ANAPC7: variants seen among roughly 807,000 people sequenced by gnomAD.
The protein encoded by ANAPC7 is anaphase promoting complex subunit 7, also known as anaphase-promoting complex subunit 7.
Under a neutral mutation model 63.3 loss-of-function variants are expected in ANAPC7, and 25 were observed. The ratio of observed to expected loss-of-function variants is 0.39; its 90% CI spans 0.29 to 0.55. The LOEUF is 0.55. ANAPC7 is among the 20% of genes least tolerant of loss of function. ANAPC7 has a pLI of 0.57. For missense variants in ANAPC7, 516 were observed against 691.7 expected, an observed-to-expected ratio of 0.75 and a Z score of 2.85; for synonymous variants, 241 against 251.7, an observed-to-expected ratio of 0.96 and a Z score of 0.40.
chr12:110,385,813 G>A (rs984323623), intron 6 of ANAPC7, among the ~76,000 whole-genome samples: 2 of 152,150 alleles, frequency 1.3e-5, no homozygotes, highest in Non-Finnish European at 2.9e-5. Flanking sequence ...CTCACTGCCA[G>A]TGTCCTAACT....
chr12:110,382,440 TTAAAAAA>T (rs1437688849), intron 7 of ANAPC7, among the ~76,000 whole-genome samples: 11 of 26,758 alleles, frequency 4.1e-4, no homozygotes, highest in African/African-American at 1.8e-3. Context: ...GATTATCCTT[TTAAAAAA>T]AAAAAAAAAA....
intron 10 of ANAPC7, 58 bp from the exon 11 acceptor site, chr12:110,374,391 A>T (rs1881064651): frequency 6.5e-7 from 1 of 1,543,336 alleles, no homozygotes; most frequent in African/African-American, 1.4e-5. Flanking sequence ...TTGCTGGCTG[A>T]TTCGTCATCT....
chr12:110,396,174 G>C, intron 2 of ANAPC7, 92 bp downstream of exon 2: 1 of 1,157,224 alleles, frequency 8.6e-7, no homozygotes, highest in Non-Finnish European at 1.2e-6. Context: ...GTTCCTAACA[G>C]ACCAGGCACT....
At chr12:110,388,946 G>T (rs1225281940) in intron 3 of ANAPC7, among the ~76,000 whole-genome samples, 1 of 151,944 alleles carries the variant, frequency 6.6e-6, no homozygotes, top group Admixed American at 6.6e-5. Context: ...GCTGGGCGTG[G>T]TGGCGGGAGC....
intron 8 of ANAPC7, among the ~76,000 whole-genome samples, chr12:110,378,383 C>G (rs28537922): frequency 6.6e-6 from 1 of 152,198 alleles, no homozygotes; most frequent in Admixed American, 6.5e-5. Context: ...CGTAAGCCAC[C>G]GTGCCTGGCC....
chr12:110,395,563 T>C (rs529861305), intron 2 of ANAPC7, among the ~76,000 whole-genome samples: 1 of 152,032 alleles, frequency 6.6e-6, no homozygotes. Flanking sequence ...GTGCTTGGAT[T>C]ACAGGTGTGA....
chr12:110,377,932 T>TA, intron 8 of ANAPC7: 3 of 666,480 alleles, frequency 4.5e-6, no homozygotes. Flanking sequence ...AATGCGACAC[T>TA]AATGATTAGT....
chr12:110,402,104 A>G (rs1479103267), intron 1 of ANAPC7, among the ~76,000 whole-genome samples: 1 of 150,768 alleles, frequency 6.6e-6, no homozygotes, highest in African/African-American at 2.4e-5. Flanking sequence ...GAACCCAGGA[A>G]GCGGAGGCTG....
intron 9 of ANAPC7, 44 bp downstream of exon 9, chr12:110,377,349 A>C (rs749922810): frequency 1.9e-6 from 3 of 1,564,632 alleles, no homozygotes; most frequent in Non-Finnish European, 2.6e-6. Context: ...GTCAGGTTTT[A>C]TAAAAATTAA....
intron 7 of ANAPC7, among the ~76,000 whole-genome samples, chr12:110,382,457 AAAAAATATATATATATATATATAT>A (rs1411824776): frequency 3.1e-5 from 2 of 65,268 alleles, no homozygotes; most frequent in African/African-American, 6.9e-5. Flanking sequence ...AAAAAAAAAA[AAAAAATATATATATATATATATAT>A]ATATATATAT....
rs1239787759 is a variant in ANAPC7, at chr12:110,387,385, G to C, written c.674+354C>G. On this transcript the variant is annotated intron_variant, in intron 5 of 10. Transcript: ENST00000455511. ...AGAGAGACAGAGAGAGAGAGAGACAGAGAGAGAGAGAGAGAGAGAGAGAGA... is the reference window on the plus strand; with the variant it reads ...AGAGAGACAGAGAGAGAGAGAGACACAGAGAGAGAGAGAGAGAGAGAGAGA... 2.0e-3 allele frequency: 21 copies of C among 10,678 alleles called. 1 individual carries two copies. The highest frequency in any genetic ancestry group is 2.9e-3 in the Non-Finnish European group (13 of 4,488). The allele number at this position is 10,678 out of a possible 1,614,324, so 0.7% of individuals were successfully genotyped here. A position where few individuals can be genotyped will look rare whatever the true frequency, so the allele number is the denominator to read the frequency against.
rs748016515 is a variant in ANAPC7, at chr12:110,388,634, A to G, written c.409-11T>C. On this transcript the variant is annotated splice_polypyrimidine_tract_variant and intron_variant, in intron 3 of 10. Transcript: ENST00000455511. The stretch of plus-strand genomic sequence containing the variant: ...CAGCATCATGTTTATCTGTACAAAC[A>G]CAAATAACAGATAGCAAAATAAGCG... The G allele has an allele frequency of 6.3e-7, 1 of 1,590,634 alleles. No homozygotes were observed. Among genetic ancestry groups the G allele is most frequent in the Admixed American group, 1.7e-5 (1 of 58,552 alleles).
intron 3 of ANAPC7, among the ~76,000 whole-genome samples, chr12:110,390,211 G>C (rs1033203859): frequency 6.6e-6 from 1 of 151,772 alleles, no homozygotes; most frequent in Admixed American, 6.6e-5. Context: ...TGGGATTACA[G>C]GCACCCGCCA....
chr12:110,386,516 CCT>C, intron 5 of ANAPC7, 47 bp from the exon 6 acceptor site: 2 of 1,496,698 alleles, frequency 1.3e-6, no homozygotes, highest in Non-Finnish European at 1.8e-6. Context: ...TATTATAAAT[CCT>C]CTTAGTTGCT....
chr12:110,374,092 C>CG lies in ANAPC7; in HGVS notation c.*51dup. 1 of 1,531,722 alleles carries CG rather than the reference C, an allele frequency of 6.5e-7. No homozygotes were observed. Among genetic ancestry groups the CG allele is most frequent in the Non-Finnish European group, 8.8e-7 (1 of 1,141,550 alleles). The allele number at this position is 1,531,722 out of a possible 1,614,324, so 94.9% of individuals were successfully genotyped here. ...AGGCTCCTACGGTTCCTTCAGTCCA[C>CG]GGAAGTGCTCAGAGCAGGGCAGGCC... On this transcript the variant is annotated 3_prime_UTR_variant, in exon 11 of 11. Transcript: ENST00000455511.
intron 8 of ANAPC7, among the ~76,000 whole-genome samples, chr12:110,379,642 G>A (rs565103072): frequency 5.3e-5 from 8 of 152,306 alleles, no homozygotes; most frequent in African/African-American, 1.9e-4. Flanking sequence ...AACAAATCCA[G>A]AGGCATAGCT....
At chr12:110,387,335 G>GAGA (rs1566269122) in intron 5 of ANAPC7, 30 of 22,234 alleles carry the variant, frequency 1.3e-3, no homozygotes, top group African/African-American at 2.0e-3. Flanking sequence ...GAGAGAGAGA[G>GAGA]GCAGAGAGAG....
intron 1 of ANAPC7, among the ~76,000 whole-genome samples, chr12:110,400,306 A>G (rs775747178): frequency 1.6e-4 from 24 of 152,222 alleles, no homozygotes; most frequent in Non-Finnish European, 2.5e-4. Flanking sequence ...ACACGAAAAA[A>G]TAGTTATTGC....
chr12:110,395,484 G>A (rs1323766689), intron 2 of ANAPC7, among the ~76,000 whole-genome samples: 1 of 151,922 alleles, frequency 6.6e-6, no homozygotes, highest in Non-Finnish European at 1.5e-5. Flanking sequence ...TAAAGACAGG[G>A]GTCTCACTAT....
Sources: gnomAD v4.1 joint callset for allele counts (sites outside exome capture counted in the v4.1 genomes callset) on GRCh38, gnomAD v4.1.1 for gene constraint, MANE v1.5 for transcripts, NCBI Gene and HGNC (gene_info 2026-07-23, HGNC 2026-07-21) for gene names.